Variants in VSTM4 observed in about 807,000 individuals in gnomAD.
VSTM4 encodes the protein V-set and transmembrane domain-containing protein 4.
In VSTM4, 20 loss-of-function variants were observed where a neutral mutation model predicts 36.4. The ratio of observed to expected loss-of-function variants is 0.55; its 90% CI spans 0.39 to 0.80. The LOEUF (loss-of-function observed/expected upper bound fraction) is 0.80, where lower values mean the gene tolerates loss of function less well. Among genes scored for constraint, VSTM4 ranks in the 30% least tolerant of loss-of-function variants. The probability of loss-of-function intolerance (pLI) is 0.00; values close to 1 mark genes in which losing one functional copy is unlikely to be tolerated. For synonymous variants in VSTM4, 182 were observed against 173.9 expected (o/e 1.05, Z -0.37); for missense variants, 392 against 404.5 (o/e 0.97, Z 0.26).
chr10:49,072,224 G>C (rs891779959), intron 4 of VSTM4, among the ~76,000 whole-genome samples: 26 of 152,238 alleles, frequency 1.7e-4, no homozygotes, highest in Admixed American at 1.1e-3. Flanking sequence ...GATGTGCCCT[G>C]TGCCTGCTGT....
chr10:49,072,521 A>C (rs540456808), intron 4 of VSTM4, among the ~76,000 whole-genome samples: 1 of 152,308 alleles, frequency 6.6e-6, no homozygotes, highest in Non-Finnish European at 1.5e-5. Flanking sequence ...AGAGACAGCA[A>C]TAAAGTCTCC....
chr10:49,105,666 G>A lies in VSTM4; in HGVS notation c.457+1928C>T, dbSNP rs531458122. 6.6e-5 allele frequency among the ~76,000 whole-genome samples: 10 copies of A among 152,240 alleles called. No individual in the cohort carries two copies. The South Asian group carries it at 1.5e-3, about 22-fold the overall frequency. On this transcript the variant is annotated intron_variant, in intron 2 of 7. Coordinates refer to ENST00000332853, the MANE Select transcript of VSTM4 (RefSeq NM_001031746.5). ...CTTCACTCACTGAAATGAGATTCAC[G>A]TTAACCAACAAGCTAAATGACTCTG...
rs118075281 is a variant in VSTM4, at chr10:49,096,494, A to C, written c.458-10471T>G. Among the ~76,000 whole-genome samples the C allele has an allele frequency of 9.7e-3, 1,479 of 152,296 alleles. 51 individuals carry two copies. In the South Asian group the frequency reaches 0.12, roughly 12 times the overall value. The stretch of plus-strand genomic sequence containing the variant: ...GAGACATCCCTTGCAAATTGCTTCT[A>C]TTATTAGCATTTTCACTGCTGATAA... On this transcript the variant is annotated intron_variant, in intron 2 of 7. Transcript: ENST00000332853.
At chr10:49,105,423 T>G (rs1412005037) in intron 2 of VSTM4, among the ~76,000 whole-genome samples, 26 of 118,084 alleles carry the variant, frequency 2.2e-4, no homozygotes, top group South Asian at 5.5e-4. Flanking sequence ...AGAGAAAGAG[T>G]GACAGACAGA....
At chr10:49,066,862 A>T (rs558626959) in intron 4 of VSTM4, among the ~76,000 whole-genome samples, 2 of 152,328 alleles carry the variant, frequency 1.3e-5, no homozygotes, top group African/African-American at 4.8e-5. Flanking sequence ...TTGTACACAC[A>T]TATTATCTTA....
rs1401983652 is a variant in VSTM4, at chr10:49,108,123, G to A, written c.56-128C>T. On this transcript the variant is annotated intron_variant, in intron 1 of 7. Transcript: ENST00000332853. ...CCTAGTGCTCTGCCTGGCCAGAGAAGCAGGCGGCCCCTCACCTCTCCAGAG... is the reference window on the plus strand; with the variant it reads ...CCTAGTGCTCTGCCTGGCCAGAGAAACAGGCGGCCCCTCACCTCTCCAGAG... 3.0e-6 allele frequency: 4 copies of A among 1,321,176 alleles called. No individual in the cohort carries two copies. In the East Asian group the frequency reaches 7.6e-5, roughly 25 times the overall value. 81.8% of individuals were successfully genotyped at this position (1,321,176 alleles called of 1,614,324 possible).
rs1843078907 is a variant in VSTM4 at position 49,014,739 on chromosome 10, A to C, written c.*4911T>G. On this transcript the variant is annotated 3_prime_UTR_variant, in exon 8 of 8. Coordinates refer to ENST00000332853, the MANE Select transcript of VSTM4 (RefSeq NM_001031746.5). ...ACACTGCAGATCCCTTCTTCCTTTG[A>C]GACACCCCTAGGAGCAGCTTTCTCC... is the stretch of plus-strand genomic sequence containing the variant. 1 of 152,268 alleles carries C rather than the reference A, an allele frequency of 6.6e-6. No homozygotes were observed. The highest frequency in any genetic ancestry group is 6.5e-5 in the Admixed American group (1 of 15,286). The allele number at this position is 152,268 out of a possible 1,614,324, so 9.4% of individuals were successfully genotyped here.
chr10:49,040,028 C>G (rs1240855803), intron 7 of VSTM4, among the ~76,000 whole-genome samples: 3 of 152,184 alleles, frequency 2.0e-5, no homozygotes, highest in African/African-American at 7.2e-5. Context: ...CCTACGGCCC[C>G]AGGAGGCTTC....
chr10:49,039,093 T>C (rs1843478040), intron 7 of VSTM4, among the ~76,000 whole-genome samples: 1 of 152,042 alleles, frequency 6.6e-6, no homozygotes, highest in Admixed American at 6.5e-5. Context: ...AGGCACAACT[T>C]ACTCAGATGC....
In VSTM4 at chr10:49,071,919, G is replaced by A. The variant is rs530900433; in HGVS notation, c.634+5300C>T. Among the ~76,000 whole-genome samples the A allele has an allele frequency of 1.6e-4, 24 of 152,216 alleles. 1 individual carries two copies. The South Asian group carries it at 5.0e-3, about 32-fold the overall frequency. Reference sequence around the variant, plus strand: ...GACTGGAAACCATGAACAGAACAAGGGCCTGTATCTTCCTCAAACCAAGCA... The same window carrying A: ...GACTGGAAACCATGAACAGAACAAGAGCCTGTATCTTCCTCAAACCAAGCA... On this transcript the variant is annotated intron_variant, in intron 4 of 7. Transcript: ENST00000332853.
chr10:49,047,287 C>G (rs1345314765), intron 6 of VSTM4, among the ~76,000 whole-genome samples: 1 of 152,178 alleles, frequency 6.6e-6, no homozygotes, highest in Admixed American at 6.5e-5. Flanking sequence ...ACTCTGCCAG[C>G]TACATGGATG....
chr10:49,083,761 G>T (rs1844321832), intron 3 of VSTM4, among the ~76,000 whole-genome samples: 1 of 152,236 alleles, frequency 6.6e-6, no homozygotes, highest in African/African-American at 2.4e-5. Context: ...TGATTATGCT[G>T]TGGGGTATGT....
chr10:49,057,740 T>C (rs936827042), intron 5 of VSTM4, among the ~76,000 whole-genome samples: 7 of 152,118 alleles, frequency 4.6e-5, no homozygotes, highest in African/African-American at 1.4e-4. Flanking sequence ...ACCCCGTCCC[T>C]GCGTCTACTG....
chr10:49,070,681 A>G (rs1266542209), intron 4 of VSTM4, among the ~76,000 whole-genome samples: 10 of 152,198 alleles, frequency 6.6e-5, no homozygotes, highest in Non-Finnish European at 1.3e-4. Flanking sequence ...CAGAAGACCC[A>G]CTTTATAAAT....
At chr10:49,091,133 G>A (rs1844466274) in intron 2 of VSTM4, among the ~76,000 whole-genome samples, 1 of 152,232 alleles carries the variant, frequency 6.6e-6, no homozygotes, top group Non-Finnish European at 1.5e-5. Context: ...ATATCTGATG[G>A]GTCAGGTCTC....
chr10:49,097,084 A>C (rs1224649889), intron 2 of VSTM4, among the ~76,000 whole-genome samples: 1 of 152,110 alleles, frequency 6.6e-6, no homozygotes, highest in Non-Finnish European at 1.5e-5. Context: ...GTGAAGGCCC[A>C]GGAAGTGCAC....
rs747139271 is a variant in VSTM4, at chr10:49,100,934, C to G, written c.457+6660G>C. On this transcript the variant is annotated intron_variant, in intron 2 of 7. Transcript: ENST00000332853. ...TGTGACATGTCAAGCTAGAAAAATACCTCTTCAACAGACAGTGTAGGGATA... is the reference window on the plus strand; with the variant it reads ...TGTGACATGTCAAGCTAGAAAAATAGCTCTTCAACAGACAGTGTAGGGATA... Among the ~76,000 whole-genome samples the G allele has an allele frequency of 2.1e-4, 32 of 152,096 alleles. 1 individual carries two copies. Among genetic ancestry groups the G allele is most frequent in the Middle Eastern group, 3.4e-3 (1 of 294 alleles).
chr10:49,044,891 G>A (rs61850684), intron 7 of VSTM4, among the ~76,000 whole-genome samples: 26,330 of 152,080 alleles, frequency 0.17, 2,625 homozygotes, highest in Non-Finnish European at 0.23. Context: ...TGTAGAGAAG[G>A]GGCTATAGAT....
At chr10:49,030,010 C>T (rs1004461150) in intron 7 of VSTM4, among the ~76,000 whole-genome samples, 2 of 152,214 alleles carry the variant, frequency 1.3e-5, no homozygotes, top group Non-Finnish European at 2.9e-5. Context: ...CAGTGTACCT[C>T]TGGGTGGCAT....
Sources: allele counts gnomAD v4.1 joint callset (sites outside exome capture counted in the v4.1 genomes callset), GRCh38; gene constraint gnomAD v4.1.1; transcripts MANE v1.5; gene names NCBI Gene and HGNC (gene_info 2026-07-23, HGNC 2026-07-21).